Variants in ANKRD33B observed in about 807,000 individuals in gnomAD.
ANKRD33B encodes the protein ankyrin repeat domain-containing protein 33B.
ANKRD33B carries 6 observed loss-of-function variants against 21.5 expected under a neutral mutation model. The ratio of observed to expected loss-of-function variants is 0.28; its 90% CI spans 0.15 to 0.55. ANKRD33B has a LOEUF of 0.55. ANKRD33B is among the 20% of genes least tolerant of loss of function. The probability of loss-of-function intolerance (pLI) is 0.94; values close to 1 mark genes in which losing one functional copy is unlikely to be tolerated. For synonymous variants in ANKRD33B, 347 were observed against 342.4 expected (o/e 1.01, Z -0.15); for missense variants, 698 against 747.2 (o/e 0.93, Z 0.77).
intron 1 of ANKRD33B, among the ~76,000 whole-genome samples, chr5:10,574,860 GCTTAA>G (rs1284547157): frequency 0.42 from 31,105 of 73,926 alleles, 11,287 homozygotes; most frequent in East Asian, 0.65. Context: ...CGGGAGAGCT[GCTTAA>G]GGCCAGGTGC....
At chr5:10,571,435 C>T (rs931795937) in intron 1 of ANKRD33B, among the ~76,000 whole-genome samples, 9 of 152,158 alleles carry the variant, frequency 5.9e-5, no homozygotes, top group Admixed American at 2.6e-4. Context: ...CTCCTGACCT[C>T]AGGTGATTCA....
intron 1 of ANKRD33B, among the ~76,000 whole-genome samples, chr5:10,585,329 G>A (rs960431653): frequency 2.0e-5 from 3 of 152,162 alleles, no homozygotes; most frequent in African/African-American, 7.2e-5. Flanking sequence ...TGTTTTCCTG[G>A]ATGCCTACAG....
In ANKRD33B at chr5:10,647,340, C is replaced by T. The variant is rs557684297; in HGVS notation, c.638-1926C>T. Reference sequence around the variant, plus strand: ...GGCCAGGTTGGTCCCAAACCCCTGACGTCAGGAGATCTGCCCTCCTCGGCC... The same window carrying T: ...GGCCAGGTTGGTCCCAAACCCCTGATGTCAGGAGATCTGCCCTCCTCGGCC... On this transcript the variant is annotated intron_variant, in intron 3 of 3. Coordinates refer to ENST00000296657, the MANE Select transcript of ANKRD33B (RefSeq NM_001164440.2). Among the ~76,000 whole-genome samples the T allele has an allele frequency of 3.3e-5, 5 of 152,200 alleles. No individual in the cohort carries two copies. The South Asian group carries it at 6.2e-4, about 19-fold the overall frequency.
intron 1 of ANKRD33B, among the ~76,000 whole-genome samples, chr5:10,568,186 A>G (rs371092464): frequency 1.1e-4 from 17 of 152,372 alleles, no homozygotes; most frequent in Admixed American, 5.9e-4. Flanking sequence ...AAAGCATTGC[A>G]TGATTTAATA....
intron 1 of ANKRD33B, among the ~76,000 whole-genome samples, chr5:10,583,743 A>G (rs1379089731): frequency 6.6e-6 from 1 of 152,138 alleles, no homozygotes; most frequent in Non-Finnish European, 1.5e-5. Flanking sequence ...TGGTAGGAAA[A>G]TTGTGTTTAC....
At chr5:10,572,336 A>G (rs1579708817) in intron 1 of ANKRD33B, among the ~76,000 whole-genome samples, 1 of 152,068 alleles carries the variant, frequency 6.6e-6, no homozygotes, top group Admixed American at 6.6e-5. Flanking sequence ...GGAGTGCAGA[A>G]TCCCAGCCCT....
intron 3 of ANKRD33B, among the ~76,000 whole-genome samples, chr5:10,648,331 C>A (rs1279968394): frequency 1.3e-5 from 2 of 152,234 alleles, no homozygotes; most frequent in Non-Finnish European, 2.9e-5. Context: ...GCTGGGGTGC[C>A]ACCACTTTGC....
intron 1 of ANKRD33B, among the ~76,000 whole-genome samples, chr5:10,589,151 A>C (rs1418687222): frequency 1.3e-5 from 2 of 151,998 alleles, no homozygotes; most frequent in African/African-American, 2.4e-5. Flanking sequence ...CCTTCAAATG[A>C]ACTAATCCAA....
rs187907302 is a variant in ANKRD33B at position 10,591,278 on chromosome 5, C to T, written c.366+26445C>T. Among the ~76,000 whole-genome samples the T allele has an allele frequency of 4.8e-5, 7 of 147,002 alleles. No individual in the cohort carries two copies. The East Asian group carries it at 1.3e-3, about 26-fold the overall frequency. On this transcript the variant is annotated intron_variant, in intron 1 of 3. Coordinates refer to ENST00000296657, the MANE Select transcript of ANKRD33B (RefSeq NM_001164440.2). ...CACCATGTGGGCTCCCTGCAACCTC[C>T]CCCTCCCAGTTTCAAGCAATTCTCC...
Position 10,649,766 on chromosome 5 carries a change from G to C in ANKRD33B, c.1138G>C (p.Glu380Gln). The change falls in exon 4 of 4, where the codon GAG becomes CAG. Residue 380 changes from glutamate (E) to glutamine (Q), a missense_variant. By Grantham distance (29) the Glu-to-Gln change is conservative (BLOSUM62 2). Around this residue, in one of 3 missense-constraint regions of ANKRD33B, gnomAD observed 543 missense variants for 566.5 expected, o/e 0.96. Coordinates refer to ENST00000296657, the MANE Select transcript of ANKRD33B (RefSeq NM_001164440.2). The stretch of plus-strand genomic sequence containing the variant: ...CGGACAGGAGGACGCGGACTCCCGG[G>C]AGGGCTCCCCGAGAGCCGGCCTCCC... ...RTGQEDADSREGSPRAGLPPA... is the reference protein window; with the variant it reads ...RTGQEDADSRQGSPRAGLPPA... The C allele has an allele frequency of 1.4e-6, 2 of 1,414,738 alleles. No homozygotes were observed. The highest frequency in any genetic ancestry group is 1.8e-6 in the Non-Finnish European group (2 of 1,090,896). 87.6% of individuals were successfully genotyped at this position (1,414,738 alleles called of 1,614,324 possible).
intron 2 of ANKRD33B, among the ~76,000 whole-genome samples, chr5:10,634,457 A>G (rs1316938043): frequency 7.0e-6 from 1 of 141,858 alleles, no homozygotes; most frequent in Non-Finnish European, 1.5e-5. Flanking sequence ...CTCAAACTAG[A>G]TTTTTTTCTT....
Position 10,656,720 on chromosome 5 carries a change from C to T in ANKRD33B, c.*6607C>T, listed in dbSNP as rs1306483235. ...CCAGGTCTGGGCCATCTCTCTGCCT[C>T]TGCCCTATCTTGGCTGCCTGGAGGG... On this transcript the variant is annotated 3_prime_UTR_variant, in exon 4 of 4. Coordinates refer to ENST00000296657, the MANE Select transcript of ANKRD33B (RefSeq NM_001164440.2). 2 of 152,424 alleles carry T rather than the reference C, an allele frequency of 1.3e-5. No homozygotes were observed. The highest frequency in any genetic ancestry group is 3.8e-4 in the East Asian group (2 of 5,318). 9.4% of individuals were successfully genotyped at this position (152,424 alleles called of 1,614,324 possible).
At chr5:10,565,200 A>G (rs1735020611) in intron 1 of ANKRD33B, among the ~76,000 whole-genome samples, 1 of 151,864 alleles carries the variant, frequency 6.6e-6, no homozygotes, top group Non-Finnish European at 1.5e-5. Context: ...CCTCCTGACT[A>G]TTACCTTTCC....
intron 1 of ANKRD33B, among the ~76,000 whole-genome samples, chr5:10,608,851 C>G (rs1736107359): frequency 6.6e-6 from 1 of 152,162 alleles, no homozygotes; most frequent in Non-Finnish European, 1.5e-5. Flanking sequence ...AAAACAATCG[C>G]AACACCCTTG....
intron 2 of ANKRD33B, among the ~76,000 whole-genome samples, chr5:10,630,644 C>T (rs1295055011): frequency 1.3e-5 from 2 of 152,058 alleles, no homozygotes; most frequent in African/African-American, 2.4e-5. Flanking sequence ...GGAATGAAAA[C>T]CCAAAAATGC....
Position 10,598,040 on chromosome 5 carries a change from A to C in ANKRD33B, c.367-20293A>C, listed in dbSNP as rs556005887. ...TCTGAGGGGTTGGAGTCAGAAGCCA[A>C]TTACCACTACTTTTTCCTGCCTCCT... is the stretch of plus-strand genomic sequence containing the variant. On this transcript the variant is annotated intron_variant, in intron 1 of 3. Transcript: ENST00000296657. 2.0e-5 allele frequency among the ~76,000 whole-genome samples: 3 copies of C among 152,198 alleles called. No individual in the cohort carries two copies. In the East Asian group the frequency reaches 5.8e-4, roughly 29 times the overall value.
intron 3 of ANKRD33B, among the ~76,000 whole-genome samples, chr5:10,647,759 G>T (rs989430047): frequency 6.6e-6 from 1 of 152,192 alleles, no homozygotes; most frequent in East Asian, 1.9e-4. Context: ...AGTAGATGCC[G>T]CAGTCTTGAG....
chr5:10,633,831 G>A (rs1248490208), intron 2 of ANKRD33B, among the ~76,000 whole-genome samples: 1 of 152,158 alleles, frequency 6.6e-6, no homozygotes, highest in African/African-American at 2.4e-5. Context: ...GTTTTTGGAG[G>A]AAGACGCCCG....
At position 10,656,418 on chromosome 5, in the gene ANKRD33B, G is replaced by C. The variant is rs1737489655; in HGVS notation, c.*6305G>C. The C allele has an allele frequency of 6.6e-6, 1 of 152,364 alleles. No individual in the cohort carries two copies. The highest frequency in any genetic ancestry group is 2.1e-4 in the South Asian group (1 of 4,828). The allele number at this position is 152,364 out of a possible 1,614,324, so 9.4% of individuals were successfully genotyped here. ...ACACTAAGCTGTGAGTGTGTGCACG[G>C]GCGAGCACATGTATGTGTACTCATA... On this transcript the variant is annotated 3_prime_UTR_variant, in exon 4 of 4. Coordinates refer to ENST00000296657, the MANE Select transcript of ANKRD33B (RefSeq NM_001164440.2).
Sources: gnomAD v4.1 joint callset for allele counts (sites outside exome capture counted in the v4.1 genomes callset) on GRCh38, gnomAD v4.1.1 for gene constraint, gnomAD v4.1.1 regional missense constraint, MANE v1.5 for transcripts, NCBI Gene and HGNC (gene_info 2026-07-23, HGNC 2026-07-21) for gene names.